FERRY3: variants seen among roughly 807,000 people sequenced by gnomAD.
FERRY3 encodes protein C12orf4.
the FERRY3 span, among the ~76,000 whole-genome samples, chr12:4,519,205 T>C: frequency 6.6e-6 from 1 of 152,236 alleles, no homozygotes; most frequent in African/African-American, 2.4e-5. The surrounding 1 kb of genome is among the most constrained non-coding windows in gnomAD (Gnocchi z 4.3). Flanking sequence ...TAAAATCACA[T>C]TGTATTTTAA....
chr12:4,513,559 G>A, the FERRY3 span, among the ~76,000 whole-genome samples: 1 of 151,446 alleles, frequency 6.6e-6, no homozygotes, highest in Non-Finnish European at 1.5e-5. Context: ...TAGATCAATG[G>A]AACAGAACAG....
At chr12:4,502,854 G>A in the FERRY3 span, among the ~76,000 whole-genome samples, 2 of 152,112 alleles carry the variant, frequency 1.3e-5, no homozygotes, top group African/African-American at 4.8e-5. This position sits in a 1 kb window ranked among gnomAD's most constrained non-coding sequence, Gnocchi z 4.2. Context: ...GGAAATTAAA[G>A]AAAGGACAGC....
At chr12:4,530,126 T>C in the FERRY3 span, 2 of 1,385,942 alleles carry the variant, frequency 1.4e-6, no homozygotes, top group Non-Finnish European at 9.9e-7. Flanking sequence ...AAAGTATGTA[T>C]GATTCCATTT....
At chr12:4,503,853 CAA>C in the FERRY3 span, among the ~76,000 whole-genome samples, 2 of 151,094 alleles carry the variant, frequency 1.3e-5, no homozygotes, top group Non-Finnish European at 2.9e-5. Flanking sequence ...CATATAGCAA[CAA>C]AGAGTTATGT....
the FERRY3 span, chr12:4,505,436 C>T: frequency 1.6e-5 from 19 of 1,167,554 alleles, no homozygotes; most frequent in Non-Finnish European, 2.4e-5. Context: ...GAATATGTTA[C>T]TATGACTGCT....
chr12:4,537,250 ATTC>A, the FERRY3 span, among the ~76,000 whole-genome samples: 6 of 152,190 alleles, frequency 3.9e-5, no homozygotes, highest in Non-Finnish European at 5.9e-5. Context: ...ACAATTGCTA[ATTC>A]TTCAGGTCTC....
At chr12:4,501,135 C>CCAA in the FERRY3 span, among the ~76,000 whole-genome samples, 7 of 152,182 alleles carry the variant, frequency 4.6e-5, no homozygotes, top group African/African-American at 7.2e-5. Flanking sequence ...CAATCTACCA[C>CCAA]CAACTATTTT....
chr12:4,506,694 TA>T, the FERRY3 span, among the ~76,000 whole-genome samples: 1 of 152,170 alleles, frequency 6.6e-6, no homozygotes, highest in Admixed American at 6.5e-5. Flanking sequence ...CCTTGTTTAG[TA>T]ATAGTAAGAA....
At chr12:4,505,959 CAGAT>C in the FERRY3 span, among the ~76,000 whole-genome samples, 1 of 152,106 alleles carries the variant, frequency 6.6e-6, no homozygotes, top group African/African-American at 2.4e-5. Context: ...ACAATTATAA[CAGAT>C]AGGTGAAACT....
At chr12:4,524,311 A>C in the FERRY3 span, among the ~76,000 whole-genome samples, 2 of 152,196 alleles carry the variant, frequency 1.3e-5, no homozygotes, top group Non-Finnish European at 2.9e-5. Context: ...GGTTCATAGC[A>C]GGCTGCAACG....
At chr12:4,496,242 A>C in the FERRY3 span, among the ~76,000 whole-genome samples, 1 of 152,228 alleles carries the variant, frequency 6.6e-6, no homozygotes. Context: ...TAGAAAAAGT[A>C]AACTGTGAGC....
At chr12:4,498,037 G>A in the FERRY3 span, among the ~76,000 whole-genome samples, 1 of 152,176 alleles carries the variant, frequency 6.6e-6, no homozygotes, top group African/African-American at 2.4e-5. Flanking sequence ...GAGAATCATA[G>A]CTCAATATAC....
At chr12:4,493,918 C>T in the FERRY3 span, among the ~76,000 whole-genome samples, 4 of 152,024 alleles carry the variant, frequency 2.6e-5, no homozygotes, top group Non-Finnish European at 5.9e-5. Flanking sequence ...CGTGGTGAAA[C>T]CCCGTCTCTA....
chr12:4,498,150 T>C, the FERRY3 span, among the ~76,000 whole-genome samples: 1 of 152,218 alleles, frequency 6.6e-6, no homozygotes, highest in Non-Finnish European at 1.5e-5. Flanking sequence ...GGAGAGGGAA[T>C]GCTAGTAGTA....
the FERRY3 span, among the ~76,000 whole-genome samples, chr12:4,523,780 C>T: frequency 7.2e-5 from 11 of 151,946 alleles, no homozygotes; most frequent in South Asian, 6.2e-4. Flanking sequence ...GGACACAGGG[C>T]GGGGAACATC....
the FERRY3 span, among the ~76,000 whole-genome samples, chr12:4,526,900 A>G: frequency 1.3e-5 from 2 of 151,986 alleles, no homozygotes; most frequent in Non-Finnish European, 2.9e-5. Context: ...ATATATATAT[A>G]TGATAAATTA....
At chr12:4,500,931 G>A in the FERRY3 span, among the ~76,000 whole-genome samples, 18 of 152,304 alleles carry the variant, frequency 1.2e-4, no homozygotes, top group Admixed American at 2.0e-4. Flanking sequence ...GATTACAGGC[G>A]TGGGCCACCG....
the FERRY3 span, among the ~76,000 whole-genome samples, chr12:4,504,667 A>G: frequency 4.3e-4 from 65 of 152,328 alleles, 1 homozygote; most frequent in East Asian, 0.011. Context: ...GAGTAAAACT[A>G]ATTTTTTGGT....
At chr12:4,517,712 G>T in the FERRY3 span, among the ~76,000 whole-genome samples, 31 of 102,254 alleles carry the variant, frequency 3.0e-4, no homozygotes, top group African/African-American at 1.5e-3. Context: ...TATATAGACA[G>T]AGAGAGAGAG....
Sources: allele counts gnomAD v4.1 joint callset (sites outside exome capture counted in the v4.1 genomes callset), GRCh38; gene constraint gnomAD v4.1.1; non-coding constraint Gnocchi (gnomAD v3.1); transcripts MANE v1.5; gene names NCBI Gene and HGNC (gene_info 2026-07-23, HGNC 2026-07-21).